Variants in FLNB observed in about 807,000 individuals in gnomAD.
The protein encoded by FLNB is filamin-B.
In FLNB, 111 loss-of-function variants were observed where a neutral mutation model predicts 250.6. That is an observed-to-expected ratio of 0.44 (90% CI 0.38 to 0.52). FLNB has a LOEUF of 0.52. Among genes scored for constraint, FLNB ranks in the 20% least tolerant of loss-of-function variants. FLNB has a pLI of 0.00. For missense variants in FLNB, 2,869 were observed against 3,447.8 expected (o/e 0.83, Z 4.20); for synonymous variants, 1,302 against 1,372.1 (o/e 0.95, Z 1.13).
At chr3:58,106,592 A>G in intron 11 of FLNB, 88 bp from the exon 12 acceptor site, 2 of 1,270,276 alleles carry the variant, frequency 1.6e-6, no homozygotes, top group Non-Finnish European at 2.3e-6. Context: ...CTTGGCTTTT[A>G]GGGAGGCAGC....
chr3:58,146,620 T>C (rs996602093), intron 33 of FLNB, 200 bp from the exon 34 acceptor site: 22 of 596,512 alleles, frequency 3.7e-5, no homozygotes, highest in Non-Finnish European at 5.7e-5. Flanking sequence ...ACTCAGATGT[T>C]TGGGGTTTCT....
At position 58,098,919 on chromosome 3, in the gene FLNB, G is replaced by A; in HGVS notation, c.1345+11G>A. 1.2e-6 allele frequency: 2 copies of A among 1,612,386 alleles called. No homozygotes were observed. Among genetic ancestry groups the A allele is most frequent in the African/African-American group, 1.3e-5 (1 of 74,972 alleles). On this transcript the variant is annotated intron_variant, in intron 8 of 45. Transcript: ENST00000295956. Reference sequence around the variant, plus strand: ...TGCAGGTTGGGGAAGGTGAGTGCTGGGCTGCTGGCCACATGTGCTTCTCAT... The same window carrying A: ...TGCAGGTTGGGGAAGGTGAGTGCTGAGCTGCTGGCCACATGTGCTTCTCAT...
intron 16 of FLNB, 116 bp downstream of exon 16, chr3:58,110,286 G>A: frequency 9.4e-7 from 1 of 1,063,292 alleles, no homozygotes; most frequent in South Asian, 1.3e-5. Context: ...TTTTTGAGAT[G>A]GAGTCTCACT....
chr3:58,074,961 A>T, intron 1 of FLNB, among the ~76,000 whole-genome samples: 1 of 152,328 alleles, frequency 6.6e-6, no homozygotes, highest in South Asian at 2.1e-4. Context: ...CTGATTAATT[A>T]ATTTAATAAT....
chr3:58,105,850 T>C (rs1336097250), intron 11 of FLNB, among the ~76,000 whole-genome samples: 1 of 152,160 alleles, frequency 6.6e-6, no homozygotes. Flanking sequence ...TAGCAACCCG[T>C]TTTAGGTAAT....
intron 19 of FLNB, among the ~76,000 whole-genome samples, chr3:58,119,498 A>G (rs1317979916): frequency 1.3e-5 from 2 of 152,130 alleles, no homozygotes; most frequent in African/African-American, 2.4e-5. Flanking sequence ...ATGTTCCTTT[A>G]GCTTGTTAGG....
chr3:58,100,375 T>A (rs868085486), intron 8 of FLNB, among the ~76,000 whole-genome samples: 24 of 61,320 alleles, frequency 3.9e-4, no homozygotes, highest in South Asian at 1.3e-3. Flanking sequence ...AAAAAAAAAA[T>A]ATATATATAT....
chr3:58,059,517 C>G (rs887564053), intron 1 of FLNB, among the ~76,000 whole-genome samples: 1 of 152,140 alleles, frequency 6.6e-6, no homozygotes, highest in African/African-American at 2.4e-5. Flanking sequence ...AAGGTGCAGA[C>G]TGTTTAGATG....
At chr3:58,059,075 T>C (rs1427428205) in intron 1 of FLNB, among the ~76,000 whole-genome samples, 1 of 152,222 alleles carries the variant, frequency 6.6e-6, no homozygotes, top group Non-Finnish European at 1.5e-5. Flanking sequence ...TTAAAGGCTC[T>C]GAGAAGTCCT....
At position 58,124,389 on chromosome 3, in the gene FLNB, T is replaced by C. The variant is rs916150026; in HGVS notation, c.3782T>C (p.Val1261Ala). Residue 1261 changes from valine to alanine, a missense_variant, in exon 22 of 46, where the codon GTT becomes GCT. By Grantham distance (64) the Val-to-Ala change is moderately conservative (BLOSUM62 0). Coordinates refer to ENST00000295956, the MANE Select transcript of FLNB (RefSeq NM_001457.4). ...FTVDSRPLTQ[V>A]GGDHIKAHIA... ...GTTGACTCTCGGCCGCTGACCCAGG[T>C]TGGGGGTGACCACATCAAGGCCCAC... is the stretch of plus-strand genomic sequence containing the variant. 1 of 1,614,048 alleles carries C rather than the reference T, an allele frequency of 6.2e-7. No individual in the cohort carries two copies. The highest frequency in any genetic ancestry group is 1.3e-5 in the African/African-American group (1 of 74,930).
rs1318792732 is a variant in FLNB at position 58,008,543 on chromosome 3, T to C, written c.-22T>C. On this transcript the variant is annotated 5_prime_UTR_variant, in exon 1 of 46. Transcript: ENST00000295956. ...CCAGTCCCCGGCAGCTCGTTGCGCA[T>C]TGCGCTCTCCCCGCCACCAGGATGC... The C allele has an allele frequency of 3.8e-6, 6 of 1,569,102 alleles. No individual in the cohort carries two copies. The East Asian group carries it at 9.5e-5, about 25-fold the overall frequency.
intron 9 of FLNB, among the ~76,000 whole-genome samples, chr3:58,103,755 T>G (rs1347104218): frequency 6.6e-6 from 1 of 152,198 alleles, no homozygotes; most frequent in Non-Finnish European, 1.5e-5. Context: ...TCCTCATACC[T>G]TGAAGCAGAG....
intron 33 of FLNB, 142 bp from the exon 34 acceptor site, chr3:58,146,678 T>C: frequency 1.2e-6 from 1 of 807,688 alleles, no homozygotes; most frequent in Non-Finnish European, 2.1e-6. Flanking sequence ...CTGACAGATG[T>C]CCCTTTGCCC....
chr3:58,145,198 A>G (rs2097333910), intron 32 of FLNB, among the ~76,000 whole-genome samples: 3 of 152,232 alleles, frequency 2.0e-5, no homozygotes. Flanking sequence ...GTATCTTTTC[A>G]GATGTTTCTC....
At chr3:58,140,821 C>G (rs13326464) in intron 29 of FLNB, among the ~76,000 whole-genome samples, 3,871 of 152,288 alleles carry the variant, frequency 0.025, 149 homozygotes, top group African/African-American at 0.077. Context: ...GTTGGCCAGG[C>G]TGGTAACTCC....
chr3:58,010,500 C>A (rs914193109), intron 1 of FLNB, among the ~76,000 whole-genome samples: 5 of 152,084 alleles, frequency 3.3e-5, no homozygotes, highest in Admixed American at 1.3e-4. Context: ...CTGCATGGCA[C>A]GCTGTTGTCT....
chr3:58,152,599 A>T, intron 38 of FLNB: 1 of 343,266 alleles, frequency 2.9e-6, no homozygotes, highest in Non-Finnish European at 5.4e-6. Context: ...TAATCCCATC[A>T]CATTGTTGGG....
chr3:58,070,310 C>T (rs192675002), intron 1 of FLNB, among the ~76,000 whole-genome samples: 1 of 152,108 alleles, frequency 6.6e-6, no homozygotes, highest in South Asian at 2.1e-4. Flanking sequence ...TCCCAAAGTG[C>T]CAGGATTACA....
chr3:58,050,107 G>T (rs1051441525), intron 1 of FLNB, among the ~76,000 whole-genome samples: 1 of 144,852 alleles, frequency 6.9e-6, no homozygotes, highest in South Asian at 2.3e-4. Context: ...TTGGCTCACC[G>T]CAACCTCTGC....
Sources: gnomAD v4.1 joint callset for allele counts (sites outside exome capture counted in the v4.1 genomes callset) on GRCh38, gnomAD v4.1.1 for gene constraint, MANE v1.5 for transcripts, NCBI Gene and HGNC (gene_info 2026-07-23, HGNC 2026-07-21) for gene names.